Variants in ARHGAP44 observed in about 807,000 individuals in gnomAD.
The protein encoded by ARHGAP44 is rho GTPase-activating protein 44.
Under a neutral mutation model 106.8 loss-of-function variants are expected in ARHGAP44, and 43 were observed. The observed-to-expected ratio is 0.40, with a 90% CI of 0.32 to 0.52. The LOEUF (loss-of-function observed/expected upper bound fraction) is 0.52. Ranked by LOEUF, ARHGAP44 falls within the 20% of genes least tolerant of loss-of-function variation. The probability of loss-of-function intolerance (pLI) is 0.48; values close to 1 mark genes in which losing one functional copy is unlikely to be tolerated. For missense variants in ARHGAP44, 866 were observed against 1,050.5 expected (o/e 0.82, Z 2.43); for synonymous variants, 439 against 410.3 (o/e 1.07, Z -0.85).
At chr17:12,885,538 T>A (rs941130148) in intron 1 of ARHGAP44, among the ~76,000 whole-genome samples, 3 of 152,016 alleles carry the variant, frequency 2.0e-5, no homozygotes, top group African/African-American at 7.3e-5. Flanking sequence ...TGTGTGAGTG[T>A]GTGTTTGTGT....
intron 1 of ARHGAP44, among the ~76,000 whole-genome samples, chr17:12,865,750 C>G (rs995151030): frequency 1.3e-4 from 19 of 147,280 alleles, no homozygotes; most frequent in African/African-American, 4.7e-4. Flanking sequence ...GATTGTGCCA[C>G]TGCACTCCAG....
chr17:12,880,323 C>T (rs1335071023), intron 1 of ARHGAP44, among the ~76,000 whole-genome samples: 1 of 152,066 alleles, frequency 6.6e-6, no homozygotes, highest in Non-Finnish European at 1.5e-5. Flanking sequence ...ACCTGTATTT[C>T]CTTCCCAAAC....
At chr17:12,915,806 A>C in intron 4 of ARHGAP44, 94 bp from the exon 5 acceptor site, 1 of 1,076,432 alleles carries the variant, frequency 9.3e-7, no homozygotes, top group Non-Finnish European at 1.4e-6. Context: ...GACTTGTGAA[A>C]GTTTACAAGT....
chr17:12,847,465 T>G (rs1355834753), intron 1 of ARHGAP44, among the ~76,000 whole-genome samples: 1 of 151,872 alleles, frequency 6.6e-6, no homozygotes, highest in Non-Finnish European at 1.5e-5. Context: ...CTCCGTAACT[T>G]CGTAGCCTCA....
chr17:12,837,551 GA>G (rs2035271359), intron 1 of ARHGAP44, among the ~76,000 whole-genome samples: 1 of 151,900 alleles, frequency 6.6e-6, no homozygotes, highest in Middle Eastern at 3.4e-3. Context: ...TGGTCACTAG[GA>G]ATTAGCCTGA....
At chr17:12,863,938 C>T (rs1230215101) in intron 1 of ARHGAP44, among the ~76,000 whole-genome samples, 1 of 152,212 alleles carries the variant, frequency 6.6e-6, no homozygotes, top group African/African-American at 2.4e-5. Flanking sequence ...TGCTGGCCAT[C>T]AACTGGGACC....
intron 1 of ARHGAP44, among the ~76,000 whole-genome samples, chr17:12,838,851 T>A (rs1359097091): frequency 6.6e-6 from 1 of 151,820 alleles, no homozygotes; most frequent in Non-Finnish European, 1.5e-5. Flanking sequence ...TTTGTGTGTG[T>A]ATGTGTGTGT....
chr17:12,924,051 C>G (rs1371705723), intron 6 of ARHGAP44, among the ~76,000 whole-genome samples: 2 of 152,196 alleles, frequency 1.3e-5, no homozygotes, highest in Admixed American at 6.5e-5. Flanking sequence ...ATGAAGTATG[C>G]TCTGCAGCAC....
At chr17:12,947,276 C>G (rs56655083) in intron 10 of ARHGAP44, among the ~76,000 whole-genome samples, 1 of 152,230 alleles carries the variant, frequency 6.6e-6, no homozygotes, top group African/African-American at 2.4e-5. Context: ...GACTTACTGC[C>G]AGCCTCCTTG....
intron 1 of ARHGAP44, among the ~76,000 whole-genome samples, chr17:12,792,406 GCC>G (rs1308311582): frequency 6.6e-6 from 1 of 151,514 alleles, no homozygotes; most frequent in Non-Finnish European, 1.5e-5. Context: ...ATAGTGCAAT[GCC>G]GTTTAGACTA....
At chr17:12,925,460 C>A (rs2038205159) in intron 6 of ARHGAP44, among the ~76,000 whole-genome samples, 1 of 152,204 alleles carries the variant, frequency 6.6e-6, no homozygotes, top group Non-Finnish European at 1.5e-5. Context: ...ACAGTGAATG[C>A]CCCAATGAAG....
Position 12,980,043 on chromosome 17 carries a change from G to T in ARHGAP44, c.1764-15G>T, listed in dbSNP as rs779039591. The T allele has an allele frequency of 3.1e-6, 5 of 1,591,086 alleles. No individual in the cohort carries two copies. Among genetic ancestry groups the T allele is most frequent in the Non-Finnish European group, 4.3e-6 (5 of 1,167,418 alleles). On this transcript the variant is annotated splice_polypyrimidine_tract_variant and intron_variant, in intron 18 of 20. Coordinates refer to ENST00000379672, the MANE Select transcript of ARHGAP44 (RefSeq NM_014859.6). The stretch of plus-strand genomic sequence containing the variant: ...GTTCAGGGCTTTTCTTTTGTCTCAT[G>T]TGCTTTCGTTTCAGCACAACAAAAA...
rs149636336 is a variant in ARHGAP44, at chr17:12,792,144, C to T, written c.53+2253C>T. On this transcript the variant is annotated intron_variant, in intron 1 of 20. Transcript: ENST00000379672. ...GAGCTCATATCCACCTTGAGGATTT[C>T]GTTTTTACTGTTTTCCCATTTTTTT... Among the ~76,000 whole-genome samples, 65 of 152,232 alleles carry T rather than the reference C, an allele frequency of 4.3e-4. No homozygotes were observed. The East Asian group carries it at 0.011, about 25-fold the overall frequency.
intron 7 of ARHGAP44, among the ~76,000 whole-genome samples, chr17:12,936,188 C>T (rs923512431): frequency 6.6e-6 from 1 of 152,160 alleles, no homozygotes; most frequent in African/African-American, 2.4e-5. Context: ...ATTGATGAAC[C>T]TGTATTGGTG....
chr17:12,900,203 C>T (rs1469947901), intron 3 of ARHGAP44, among the ~76,000 whole-genome samples: 2 of 151,992 alleles, frequency 1.3e-5, no homozygotes, highest in African/African-American at 4.8e-5. Context: ...CATTTCGACT[C>T]ACTGCAACCT....
intron 1 of ARHGAP44, among the ~76,000 whole-genome samples, chr17:12,844,333 G>A (rs1262472382): frequency 6.6e-6 from 1 of 152,174 alleles, no homozygotes; most frequent in African/African-American, 2.4e-5. Context: ...CATGGCGGAA[G>A]GGGAAGTAAG....
At chr17:12,829,296 T>C (rs750595313) in intron 1 of ARHGAP44, among the ~76,000 whole-genome samples, 7 of 152,068 alleles carry the variant, frequency 4.6e-5, no homozygotes. Flanking sequence ...GTAACAACTT[T>C]CCTTTCCTCT....
chr17:12,968,594 A>G (rs2039446935), intron 16 of ARHGAP44, among the ~76,000 whole-genome samples: 1 of 149,558 alleles, frequency 6.7e-6, no homozygotes, highest in African/African-American at 2.4e-5. Flanking sequence ...TCATCTAAGT[A>G]GCATTTTAGC....
At chr17:12,969,604 G>A (rs1398824610) in intron 16 of ARHGAP44, among the ~76,000 whole-genome samples, 3 of 152,154 alleles carry the variant, frequency 2.0e-5, no homozygotes, top group Non-Finnish European at 2.9e-5. Flanking sequence ...GAGTCACCAC[G>A]TTATACCCAA....
Sources: allele counts gnomAD v4.1 joint callset (sites outside exome capture counted in the v4.1 genomes callset), GRCh38; gene constraint gnomAD v4.1.1; transcripts MANE v1.5; gene names NCBI Gene and HGNC (gene_info 2026-07-23, HGNC 2026-07-21).